The following GLRA1 variants were observed in gnomAD, a reference collection of about 807,000 sequenced individuals.
The protein encoded by GLRA1 is glycine receptor subunit alpha-1.
Under a neutral mutation model 48.3 loss-of-function variants are expected in GLRA1, and 37 were observed. That is an observed-to-expected ratio of 0.77 (90% CI 0.59 to 1.01). GLRA1 has a LOEUF of 1.01. GLRA1 is among the 50% of genes least tolerant of loss of function. The pLI, the probability that GLRA1 is intolerant of heterozygous loss-of-function variation, is 0.00. For synonymous variants in GLRA1, 196 were observed against 210.7 expected (o/e 0.93, Z 0.60); for missense variants, 427 against 571.0 (o/e 0.75, Z 2.57).
At chr5:151,904,982 T>G (rs1754444110) in intron 1 of GLRA1, among the ~76,000 whole-genome samples, 1 of 152,194 alleles carries the variant, frequency 6.6e-6, no homozygotes, top group Non-Finnish European at 1.5e-5. Context: ...TCTTAGTAAT[T>G]TATCTGTTAT....
chr5:151,919,861 G>A (rs1754830913), intron 1 of GLRA1, among the ~76,000 whole-genome samples: 1 of 152,344 alleles, frequency 6.6e-6, no homozygotes, highest in South Asian at 2.1e-4. Flanking sequence ...CAGGGAGACT[G>A]TGCCATCCAT....
At chr5:151,854,330 T>C (rs1752981556) in intron 6 of GLRA1, among the ~76,000 whole-genome samples, 1 of 152,220 alleles carries the variant, frequency 6.6e-6, no homozygotes, top group Non-Finnish European at 1.5e-5. Context: ...TCAATCTCTC[T>C]CTTTCACCTC....
At chr5:151,883,051 AG>A (rs1285109161) in intron 3 of GLRA1, among the ~76,000 whole-genome samples, 1 of 152,220 alleles carries the variant, frequency 6.6e-6, no homozygotes, top group Non-Finnish European at 1.5e-5. Flanking sequence ...GATATATATA[AG>A]AAATACTATA....
chr5:151,880,409 C>T (rs1279752716), intron 3 of GLRA1, among the ~76,000 whole-genome samples: 1 of 152,202 alleles, frequency 6.6e-6, no homozygotes, highest in African/African-American at 2.4e-5. Context: ...TCCATTGCCC[C>T]TTAAAGTCAA....
Position 151,856,692 on chromosome 5 carries a change from A to AT in GLRA1, c.477-310dup, listed in dbSNP as rs201440471. Among the ~76,000 whole-genome samples the AT allele has an allele frequency of 8.2e-3, 1,241 of 151,142 alleles. 26 individuals carry two copies. The highest frequency in any genetic ancestry group is 0.028 in the African/African-American group (1,136 of 41,158). ...TGCCACCATGCCTGCTAATTTTTAA[A>AT]TTTTTTTTTGTAGAGACCGGGGTCT... On this transcript the variant is annotated intron_variant, in intron 4 of 8. Transcript: ENST00000274576.
intron 4 of GLRA1, 103 bp downstream of exon 4, chr5:151,859,682 C>T: frequency 1.2e-6 from 1 of 828,418 alleles, no homozygotes; most frequent in Non-Finnish European, 2.1e-6. Context: ...GTTGCCAGGG[C>T]CTGTTCACCT....
Position 151,924,506 on chromosome 5 carries a change from A to G in GLRA1, c.44T>C (p.Ile15Thr), listed in dbSNP as rs769117123. The G allele has an allele frequency of 1.0e-5, 16 of 1,596,260 alleles. No homozygotes were observed. The highest frequency in any genetic ancestry group is 2.2e-5 in the South Asian group (2 of 90,708). The change falls in exon 1 of 9, where the codon ATT becomes ACT. Residue 15 changes from isoleucine (I) to threonine (T), a missense_variant. Ile to Thr is a moderately conservative substitution (Grantham distance 89). This residue lies in a region of GLRA1 where 271 missense variants were observed against 434.9 expected (regional missense o/e 0.62). Coordinates refer to ENST00000274576, the MANE Select transcript of GLRA1 (RefSeq NM_000171.4). Reference sequence around the variant, plus strand: ...GAAAATTGCATACCTGAAGAATACAATGGTCTCCCAAAGGTAGAGTCGAAG... The same window carrying G: ...GAAAATTGCATACCTGAAGAATACAGTGGTCTCCCAAAGGTAGAGTCGAAG... Reference protein sequence around the residue: ...NTLRLYLWETIVFFSLAASKE... With the variant: ...NTLRLYLWETTVFFSLAASKE...
intron 3 of GLRA1, among the ~76,000 whole-genome samples, chr5:151,877,238 AC>A (rs1190544680): frequency 6.6e-6 from 1 of 152,210 alleles, no homozygotes; most frequent in Non-Finnish European, 1.5e-5. Context: ...ATGCTGAGCT[AC>A]TACCTGGGGG....
At position 151,853,073 on chromosome 5, in the gene GLRA1, G is replaced by A. The variant is rs570474423; in HGVS notation, c.698-1469C>T. On this transcript the variant is annotated intron_variant, in intron 6 of 8. Transcript: ENST00000274576. ...TACAGAAGCCAAAAGTAGCATGGTG[G>A]TTGCTAGAGGCTGAGGGATGGGGGA... Among the ~76,000 whole-genome samples, 43 of 152,260 alleles carry A rather than the reference G, an allele frequency of 2.8e-4. No individual in the cohort carries two copies. The South Asian group carries it at 8.9e-3, about 32-fold the overall frequency.
At chr5:151,922,818 T>A (rs1754912881) in intron 1 of GLRA1, among the ~76,000 whole-genome samples, 1 of 151,528 alleles carries the variant, frequency 6.6e-6, no homozygotes, top group South Asian at 2.1e-4. Context: ...AAAGAGAGAG[T>A]GTGTGTGGGG....
chr5:151,910,795 G>C lies in GLRA1; in HGVS notation c.56+13699C>G, dbSNP rs114910898. Among the ~76,000 whole-genome samples the C allele has an allele frequency of 9.9e-3, 1,511 of 152,292 alleles. 27 individuals are homozygous for C. The highest frequency in any genetic ancestry group is 0.034 in the African/African-American group (1,431 of 41,538). On this transcript the variant is annotated intron_variant, in intron 1 of 8. Coordinates refer to ENST00000274576, the MANE Select transcript of GLRA1 (RefSeq NM_000171.4). Reference sequence around the variant, plus strand: ...GGTGGAGTTGATAGTAGACTGTTATGTGTTACCCTCTCTTGCTTTATTGGG... The same window carrying C: ...GGTGGAGTTGATAGTAGACTGTTATCTGTTACCCTCTCTTGCTTTATTGGG...
intron 1 of GLRA1, among the ~76,000 whole-genome samples, chr5:151,906,680 A>AT (rs1471969673): frequency 6.6e-6 from 1 of 152,106 alleles, no homozygotes; most frequent in African/African-American, 2.4e-5. Context: ...AATATTATTT[A>AT]TTTTTTCTTC....
chr5:151,838,417 C>T lies in GLRA1; in HGVS notation c.913-9350G>A, dbSNP rs78046733. ...ACAGGAGGCAGAGATTGTAGTGAGC[C>T]GAGATCGTATCACCGCACTCTAGCC... On this transcript the variant is annotated intron_variant, in intron 7 of 8. Coordinates refer to ENST00000274576, the MANE Select transcript of GLRA1 (RefSeq NM_000171.4). Among the ~76,000 whole-genome samples the T allele has an allele frequency of 7.1e-3, 1,082 of 151,968 alleles. 12 individuals are homozygous for T. The highest frequency in any genetic ancestry group is 0.02 in the African/African-American group (822 of 41,418).
chr5:151,869,559 C>G (rs1191062529), intron 3 of GLRA1, among the ~76,000 whole-genome samples: 5 of 150,126 alleles, frequency 3.3e-5, no homozygotes, highest in African/African-American at 1.3e-4. Context: ...ACTAAAAATA[C>G]AAAAATTAGC....
At position 151,920,445 on chromosome 5, in the gene GLRA1, C is replaced by T. The variant is rs981342043; in HGVS notation, c.56+4049G>A. On this transcript the variant is annotated intron_variant, in intron 1 of 8. Coordinates refer to ENST00000274576, the MANE Select transcript of GLRA1 (RefSeq NM_000171.4). Reference sequence around the variant, plus strand: ...TAAGACAATCTAAAGAAAACAATTTCCTAAATATCCTCTGCTTAAGTCATT... The same window carrying T: ...TAAGACAATCTAAAGAAAACAATTTTCTAAATATCCTCTGCTTAAGTCATT... Among the ~76,000 whole-genome samples the T allele has an allele frequency of 5.9e-5, 9 of 152,270 alleles. No individual in the cohort carries two copies. In the East Asian group the frequency reaches 1.7e-3, roughly 29 times the overall value.
At chr5:151,858,088 T>C (rs990445451) in intron 4 of GLRA1, among the ~76,000 whole-genome samples, 6 of 152,166 alleles carry the variant, frequency 3.9e-5, no homozygotes, top group Non-Finnish European at 8.8e-5. Flanking sequence ...AGATACCTAA[T>C]TGGTGGTGTT....
rs746144414 is a variant in GLRA1, at chr5:151,856,343, A to G, written c.517T>C (p.Phe173Leu). The change falls in exon 5 of 9, where the codon TTC becomes CTC. Residue 173 changes from phenylalanine (F) to leucine (L), a missense_variant. Phe to Leu is a conservative substitution (Grantham distance 22). Transcript: ENST00000274576. ...ATACATGTCTGGACATCCATGGGGAAATTCTTCAAGTCCATGGGGCAGGCC... is the reference window on the plus strand; with the variant it reads ...ATACATGTCTGGACATCCATGGGGAGATTCTTCAAGTCCATGGGGCAGGCC... ...TLACPMDLKN[F>L]PMDVQTCIMQ... 1.2e-6 allele frequency: 2 copies of G among 1,612,230 alleles called. No individual in the cohort carries two copies. The highest frequency in any genetic ancestry group is 2.7e-5 in the African/African-American group (2 of 74,858).
intron 3 of GLRA1, among the ~76,000 whole-genome samples, chr5:151,866,441 T>C (rs1008731673): frequency 1.3e-5 from 2 of 152,088 alleles, no homozygotes; most frequent in African/African-American, 2.4e-5. Context: ...TGTGATGAAG[T>C]AGGAAGCATG....
At chr5:151,874,877 G>A (rs1361280002) in intron 3 of GLRA1, among the ~76,000 whole-genome samples, 3 of 151,964 alleles carry the variant, frequency 2.0e-5, no homozygotes, top group South Asian at 2.1e-4. Flanking sequence ...TCTGTGATCC[G>A]ATTTGCAGTT....
Sources: allele counts gnomAD v4.1 joint callset (sites outside exome capture counted in the v4.1 genomes callset), GRCh38; gene constraint gnomAD v4.1.1; regional missense constraint gnomAD v4.1.1; transcripts MANE v1.5; gene names NCBI Gene and HGNC (gene_info 2026-07-23, HGNC 2026-07-21).